Variants in CFAP299 observed in about 807,000 individuals in gnomAD.
CFAP299 encodes cilia and flagella associated protein 299.
CFAP299 carries 21 observed loss-of-function variants against 27.0 expected under a neutral mutation model. The observed-to-expected ratio is 0.78, with a 90% CI of 0.55 to 1.12. The LOEUF (loss-of-function observed/expected upper bound fraction) is 1.12. Among genes scored for constraint, CFAP299 ranks in the 50% most tolerant of loss-of-function variants. The pLI is 0.00. For synonymous variants in CFAP299, 104 were observed against 98.1 expected, an observed-to-expected ratio of 1.06 and a Z score of -0.36; for missense variants, 310 against 276.6, an observed-to-expected ratio of 1.12 and a Z score of -0.86.
At chr4:80,462,575 C>T (rs1250138155) in intron 2 of CFAP299, among the ~76,000 whole-genome samples, 1 of 152,146 alleles carries the variant, frequency 6.6e-6, no homozygotes, top group Non-Finnish European at 1.5e-5. Context: ...ATCCCTTCCC[C>T]ACCCCCATCT....
rs186186321 is a variant in CFAP299, at chr4:80,683,058, C to G, written c.333+99875C>G. 5.1e-3 allele frequency among the ~76,000 whole-genome samples: 769 copies of G among 152,260 alleles called. 5 individuals carry two copies. The highest frequency in any genetic ancestry group is 0.02 in the Middle Eastern group (6 of 294). On this transcript the variant is annotated intron_variant, in intron 3 of 5. Coordinates refer to ENST00000358105, the MANE Select transcript of CFAP299 (RefSeq NM_152770.3). ...ATCCCATTTTTCTTCACCTGGTCCA[C>G]AGATTTTGTTAAGTTCTTTCTGCTT...
intron 3 of CFAP299, among the ~76,000 whole-genome samples, chr4:80,729,099 G>A (rs1723336718): frequency 6.6e-6 from 1 of 152,154 alleles, no homozygotes; most frequent in African/African-American, 2.4e-5. Flanking sequence ...GTCGCTCTGG[G>A]TCTGTTCAAG....
At chr4:80,662,741 G>A (rs1740923710) in intron 3 of CFAP299, among the ~76,000 whole-genome samples, 1 of 152,198 alleles carries the variant, frequency 6.6e-6, no homozygotes, top group African/African-American at 2.4e-5. Context: ...CAAATAGAAT[G>A]TAAGTGTGAA....
At chr4:80,463,586 C>T (rs932524257) in intron 2 of CFAP299, among the ~76,000 whole-genome samples, 1 of 152,074 alleles carries the variant, frequency 6.6e-6, no homozygotes, top group Non-Finnish European at 1.5e-5. Context: ...AGTTAGGGTT[C>T]GTTTTTGGTG....
chr4:80,944,474 T>A (rs1269699015), intron 4 of CFAP299, among the ~76,000 whole-genome samples: 6 of 152,202 alleles, frequency 3.9e-5, no homozygotes, highest in Admixed American at 3.9e-4. Context: ...AGTCTCTTAA[T>A]ACCCTGAAGA....
intron 3 of CFAP299, among the ~76,000 whole-genome samples, chr4:80,790,720 A>G (rs1289830302): frequency 2.0e-5 from 3 of 152,052 alleles, no homozygotes; most frequent in African/African-American, 7.2e-5. Flanking sequence ...TTTATAAGCC[A>G]TCCAATCTAT....
intron 4 of CFAP299, among the ~76,000 whole-genome samples, chr4:80,937,308 C>CTTTTTTTTTTTTTTT (rs1736948672): frequency 4.4e-5 from 4 of 90,814 alleles, no homozygotes; most frequent in Admixed American, 1.1e-4. Flanking sequence ...CTTTTTTTTT[C>CTTTTTTTTTTTTTTT]TTTCTTTTTT....
chr4:80,650,910 T>C (rs1462360998), intron 3 of CFAP299, among the ~76,000 whole-genome samples: 1 of 151,980 alleles, frequency 6.6e-6, no homozygotes, highest in Non-Finnish European at 1.5e-5. Context: ...CTGGGTGCAG[T>C]GTATCCTGCT....
At chr4:80,386,373 C>A in intron 2 of CFAP299, 1 of 1,501,292 alleles carries the variant, frequency 6.7e-7, no homozygotes, top group South Asian at 1.2e-5. Flanking sequence ...GGGCGGCTTG[C>A]CCGGGACGGC....
At chr4:80,388,287 T>C in intron 2 of CFAP299, 1 of 691,506 alleles carries the variant, frequency 1.4e-6, no homozygotes, top group East Asian at 2.7e-5. Flanking sequence ...AAGCCTGAAA[T>C]GGCAGACATG....
At chr4:80,443,892 C>A (rs1033767496) in intron 2 of CFAP299, among the ~76,000 whole-genome samples, 4 of 152,028 alleles carry the variant, frequency 2.6e-5, no homozygotes, top group African/African-American at 9.7e-5. Flanking sequence ...CAGTAATAGA[C>A]AAACAGAGCC....
chr4:80,883,796 G>C (rs919783019), intron 4 of CFAP299, among the ~76,000 whole-genome samples: 5 of 152,226 alleles, frequency 3.3e-5, no homozygotes, highest in Admixed American at 2.0e-4. Context: ...GATTTGAAGG[G>C]AGAGATAGCA....
intron 3 of CFAP299, among the ~76,000 whole-genome samples, chr4:80,660,631 A>G (rs1402710854): frequency 6.6e-6 from 1 of 152,188 alleles, no homozygotes; most frequent in Non-Finnish European, 1.5e-5. Context: ...ATGGAAAACA[A>G]GAGGTCTAGG....
intron 4 of CFAP299, among the ~76,000 whole-genome samples, chr4:80,891,830 G>GAAAAAAAAAAAAAAAAAAAAAAAAAAA (rs35425830): frequency 9.3e-5 from 5 of 53,996 alleles, no homozygotes; most frequent in Non-Finnish European, 1.8e-4. Context: ...TAGATTAAAG[G>GAAAAAAAAAAAAAAAAAAAAAAAAAAA]AAAAAAAAAA....
chr4:80,620,669 C>T (rs1738543679), intron 3 of CFAP299, among the ~76,000 whole-genome samples: 1 of 152,000 alleles, frequency 6.6e-6, no homozygotes, highest in African/African-American at 2.4e-5. Flanking sequence ...TCTTTGAAGC[C>T]ATCTTCAATC....
rs538562527 is a variant in CFAP299, at chr4:80,492,230, C to T, written c.243-90863C>T. 6.0e-4 allele frequency among the ~76,000 whole-genome samples: 92 copies of T among 152,286 alleles called. 1 individual carries two copies. Among genetic ancestry groups the T allele is most frequent in the African/African-American group, 2.0e-3 (85 of 41,556 alleles). ...TCATGCCTCTCTAACGTCTATAAAACCAAGCTGTGCCCCGACCACCTTGGG... is the reference window on the plus strand; with the variant it reads ...TCATGCCTCTCTAACGTCTATAAAATCAAGCTGTGCCCCGACCACCTTGGG... On this transcript the variant is annotated intron_variant, in intron 2 of 5. Coordinates refer to ENST00000358105, the MANE Select transcript of CFAP299 (RefSeq NM_152770.3).
chr4:80,390,661 GTA>G lies in CFAP299; in HGVS notation c.242+27783_242+27784del, dbSNP rs541353031. 6.0e-5 allele frequency among the ~76,000 whole-genome samples: 8 copies of G among 133,462 alleles called. No individual in the cohort carries two copies. In the South Asian group the frequency reaches 1.7e-3, roughly 28 times the overall value. 87.6% of individuals were successfully genotyped at this position (133,462 alleles called of 152,430 possible). A position where few individuals can be genotyped will look rare whatever the true frequency, so the allele number is the denominator to read the frequency against. On this transcript the variant is annotated intron_variant, in intron 2 of 5. Coordinates refer to ENST00000358105, the MANE Select transcript of CFAP299 (RefSeq NM_152770.3). Reference sequence around the variant, plus strand: ...CACATATATGTATGTACACACATATGTATATATGTATACATGTATACACACAT... The same window carrying G: ...CACATATATGTATGTACACACATATGTATATGTATACATGTATACACACAT...
rs867504251 is a variant in CFAP299, at chr4:80,514,937, T to C, written c.243-68156T>C. Reference sequence around the variant, plus strand: ...ATTTGAAGAAAACAGTTTTCTTAATTCAAAGAGTACAAAATATTAATGAGT... The same window carrying C: ...ATTTGAAGAAAACAGTTTTCTTAATCCAAAGAGTACAAAATATTAATGAGT... On this transcript the variant is annotated intron_variant, in intron 2 of 5. Coordinates refer to ENST00000358105, the MANE Select transcript of CFAP299 (RefSeq NM_152770.3). Among the ~76,000 whole-genome samples the C allele has an allele frequency of 1.2e-4, 18 of 152,136 alleles. No homozygotes were observed. In the Middle Eastern group the frequency reaches 0.014, roughly 115 times the overall value.
chr4:80,664,772 G>A lies in CFAP299; in HGVS notation c.333+81589G>A, dbSNP rs147165952. On this transcript the variant is annotated intron_variant, in intron 3 of 5. Coordinates refer to ENST00000358105, the MANE Select transcript of CFAP299 (RefSeq NM_152770.3). ...TGGCTGGTGTTCTAGGCACCACTGG[G>A]GTATGAAAAAAAACTCCTGCAGCTA... Among the ~76,000 whole-genome samples, 618 of 151,980 alleles carry A rather than the reference G, an allele frequency of 4.1e-3. 4 individuals carry two copies. The highest frequency in any genetic ancestry group is 0.014 in the African/African-American group (601 of 41,454).
Sources: gnomAD v4.1 joint callset for allele counts (sites outside exome capture counted in the v4.1 genomes callset) on GRCh38, gnomAD v4.1.1 for gene constraint, MANE v1.5 for transcripts, NCBI Gene and HGNC (gene_info 2026-07-23, HGNC 2026-07-21) for gene names.